ERICH3: variants seen among roughly 807,000 people sequenced by gnomAD.
The protein encoded by ERICH3 is glutamate rich 3, also known as glutamate-rich protein 3.
Under a neutral mutation model 131.1 loss-of-function variants are expected in ERICH3, and 126 were observed. The ratio of observed to expected loss-of-function variants is 0.96; its 90% CI spans 0.83 to 1.11. The LOEUF (loss-of-function observed/expected upper bound fraction) is 1.11, where lower values mean the gene tolerates loss of function less well. Ranked by LOEUF, ERICH3 falls within the 50% of genes most tolerant of loss-of-function variation. The pLI is 0.00. For missense variants in ERICH3, 2,050 were observed against 1,810.7 expected (o/e 1.13, Z -2.40); for synonymous variants, 695 against 644.6 (o/e 1.08, Z -1.18).
intron 12 of ERICH3, among the ~76,000 whole-genome samples, chr1:74,581,827 C>A (rs923876391): frequency 1.3e-5 from 2 of 152,076 alleles, no homozygotes; most frequent in African/African-American, 4.8e-5. Flanking sequence ...GCTCTTAAAT[C>A]CCATTGGGAT....
chr1:74,576,904 C>T lies in ERICH3; in HGVS notation c.2209G>A (p.Ala737Thr). The T allele has an allele frequency of 6.2e-7, 1 of 1,602,338 alleles. No individual in the cohort carries two copies. The part of the protein sequence containing the change: ...KDSLPLAYVL[A>T]LGAPTMNFMV... ...CAGATGGAATACTTACCACCAAGAG[C>T]CAGGACATAGGCTAATGGCAATGAA... is the stretch of plus-strand genomic sequence containing the variant. Residue 737 changes from alanine to threonine, a missense_variant, in exon 13 of 15, where the codon GCT (alanine) becomes ACT (threonine). Ala to Thr is a moderately conservative substitution (Grantham distance 58). Transcript: ENST00000326665.
rs1557652069 is a variant in ERICH3, at chr1:74,571,122, C to T, written c.4588G>A (p.Val1530Ile). Residue 1530 changes from valine to isoleucine, a missense_variant, in exon 14 of 15, where the codon GTC becomes ATC. Transcript: ENST00000326665. ...ACTGTCTGCCAGCAAGTCTCCTAGA[C>T]CTGCACGTTGTTGGGGGAAACATCT... ...TADVSPNNVQV is the reference protein window; with the variant it reads ...TADVSPNNVQI 6.2e-7 allele frequency: 1 copy of T among 1,612,826 alleles called. No individual in the cohort carries two copies. The highest frequency in any genetic ancestry group is 1.7e-5 in the Admixed American group (1 of 59,998).
intron 11 of ERICH3, among the ~76,000 whole-genome samples, chr1:74,594,085 TCA>T (rs1647732539): frequency 6.6e-6 from 1 of 152,104 alleles, no homozygotes; most frequent in African/African-American, 2.4e-5. Flanking sequence ...ACTCCAAAGC[TCA>T]GAGTCCACTT....
rs530474800 is a variant in ERICH3 at position 74,609,165 on chromosome 1, G to A, written c.1188-2263C>T. Among the ~76,000 whole-genome samples the A allele has an allele frequency of 6.6e-5, 10 of 152,136 alleles. No homozygotes were observed. In the East Asian group the frequency reaches 1.7e-3, roughly 26 times the overall value. ...CATGCTAGCAATTGAAAATTACTAC[G>A]CCTCTTCAAACAGTTCCTATAATTG... is the stretch of plus-strand genomic sequence containing the variant. On this transcript the variant is annotated intron_variant, in intron 9 of 14. Transcript: ENST00000326665.
At chr1:74,620,473 A>G (rs1014040875) in intron 8 of ERICH3, among the ~76,000 whole-genome samples, 1 of 152,218 alleles carries the variant, frequency 6.6e-6, no homozygotes, top group African/African-American at 2.4e-5. Context: ...TTTAATGATC[A>G]TATATCTCCA....
At chr1:74,628,818 A>C (rs971100407) in intron 7 of ERICH3, among the ~76,000 whole-genome samples, 1 of 152,162 alleles carries the variant, frequency 6.6e-6, no homozygotes, top group Non-Finnish European at 1.5e-5. Context: ...AAATAATCTT[A>C]AGTCTGAGAG....
intron 1 of ERICH3, among the ~76,000 whole-genome samples, chr1:74,650,881 C>T (rs1397690675): frequency 2.0e-5 from 3 of 149,756 alleles, no homozygotes; most frequent in African/African-American, 7.4e-5. Context: ...TACTTATATA[C>T]ACATAGAAAG....
At chr1:74,606,980 T>G in intron 9 of ERICH3, 78 bp from the exon 10 acceptor site, 2 of 1,296,744 alleles carry the variant, frequency 1.5e-6, no homozygotes, top group South Asian at 3.1e-5. Context: ...TTGAAAGCAC[T>G]TATCTCTTAT....
At chr1:74,644,286 T>G (rs1403685329) in intron 3 of ERICH3, among the ~76,000 whole-genome samples, 1 of 152,016 alleles carries the variant, frequency 6.6e-6, no homozygotes, top group Non-Finnish European at 1.5e-5. Flanking sequence ...ACTATCAACC[T>G]TTTTCCACCT....
chr1:74,623,438 T>C (rs556977178), intron 7 of ERICH3: 2 of 152,314 alleles, frequency 1.3e-5, no homozygotes, highest in East Asian at 1.9e-4. Context: ...CCTGTTCTTG[T>C]TGATAGTGTT....
At chr1:74,669,488 T>C (rs1646722099) in intron 1 of ERICH3, among the ~76,000 whole-genome samples, 2 of 152,130 alleles carry the variant, frequency 1.3e-5, no homozygotes, top group Admixed American at 6.5e-5. Context: ...AAAACCACCA[T>C]TCCACCTCTA....
intron 1 of ERICH3, among the ~76,000 whole-genome samples, chr1:74,653,212 A>G (rs1342065087): frequency 6.6e-6 from 1 of 152,176 alleles, no homozygotes; most frequent in East Asian, 1.9e-4. Flanking sequence ...AAGGAAAGGC[A>G]CTATAATAGT....
chr1:74,647,319 T>C (rs879300064), intron 2 of ERICH3, among the ~76,000 whole-genome samples: 3 of 152,076 alleles, frequency 2.0e-5, no homozygotes, highest in Non-Finnish European at 4.4e-5. Context: ...AGGAAGTACT[T>C]TGAAGGGCAA....
At chr1:74,649,403 T>G in intron 1 of ERICH3, 88 bp from the exon 2 acceptor site, 3 of 955,066 alleles carry the variant, frequency 3.1e-6, no homozygotes. Flanking sequence ...AAATAGTGCA[T>G]AATCATTCAC....
At chr1:74,664,295 T>C (rs1646668932) in intron 1 of ERICH3, among the ~76,000 whole-genome samples, 1 of 127,634 alleles carries the variant, frequency 7.8e-6, no homozygotes, top group African/African-American at 3.2e-5. Context: ...TACAGATAAA[T>C]ACAAAAAGGA....
intron 7 of ERICH3, among the ~76,000 whole-genome samples, chr1:74,626,992 G>C (rs1352115935): frequency 6.6e-6 from 1 of 152,102 alleles, no homozygotes; most frequent in East Asian, 1.9e-4. Context: ...GCCTTTAAAA[G>C]ATGCTTTGCT....
chr1:74,577,678 G>C (rs1477483693), intron 12 of ERICH3, among the ~76,000 whole-genome samples: 1 of 151,948 alleles, frequency 6.6e-6, no homozygotes, highest in Non-Finnish European at 1.5e-5. Flanking sequence ...CACAACAGAA[G>C]ATCATGAAGT....
intron 8 of ERICH3, 59 bp from the exon 9 acceptor site, chr1:74,612,868 A>C: frequency 1.4e-6 from 2 of 1,394,822 alleles, no homozygotes; most frequent in Non-Finnish European, 2.0e-6. Context: ...AACATCTGTT[A>C]AATCATGTTT....
intron 6 of ERICH3, chr1:74,634,699 A>G: frequency 1.4e-6 from 1 of 710,922 alleles, no homozygotes; most frequent in Non-Finnish European, 2.6e-6. Flanking sequence ...TCCAAGTACT[A>G]TCTAGGGGAG....
Sources: allele counts gnomAD v4.1 joint callset (sites outside exome capture counted in the v4.1 genomes callset), GRCh38; gene constraint gnomAD v4.1.1; transcripts MANE v1.5; gene names NCBI Gene and HGNC (gene_info 2026-07-23, HGNC 2026-07-21).